Variants in SIPA1L3 observed in about 807,000 individuals in gnomAD.
SIPA1L3 encodes the protein signal-induced proliferation-associated 1-like protein 3.
A neutral mutation model predicts 150.1 loss-of-function variants in SIPA1L3; 59 were observed. The ratio of observed to expected loss-of-function variants is 0.39; its 90% CI spans 0.32 to 0.49. SIPA1L3 has a LOEUF of 0.49. SIPA1L3 is among the 20% of genes least tolerant of loss of function. The probability of loss-of-function intolerance (pLI) is 0.86; values close to 1 mark genes in which losing one functional copy is unlikely to be tolerated. For synonymous variants in SIPA1L3, 1,070 were observed against 1,077.6 expected, an observed-to-expected ratio of 0.99 and a Z score of 0.14; for missense variants, 2,211 against 2,489.5, an observed-to-expected ratio of 0.89 and a Z score of 2.38.
At chr19:38,007,712 G>A (rs1459409241) in intron 1 of SIPA1L3, among the ~76,000 whole-genome samples, 1 of 151,702 alleles carries the variant, frequency 6.6e-6, no homozygotes, top group Non-Finnish European at 1.5e-5. Flanking sequence ...TCCATACCAG[G>A]CACTGTGTTC....
At chr19:37,951,799 A>G (rs1197694341) in intron 1 of SIPA1L3, among the ~76,000 whole-genome samples, 1 of 147,808 alleles carries the variant, frequency 6.8e-6, no homozygotes, top group Non-Finnish European at 1.5e-5. Context: ...CGGGAGGCTG[A>G]GGCAGGGGAA....
chr19:37,954,965 T>C (rs2046796516), intron 1 of SIPA1L3, among the ~76,000 whole-genome samples: 2 of 151,632 alleles, frequency 1.3e-5, no homozygotes, highest in Non-Finnish European at 1.5e-5. Flanking sequence ...TGCATGCCTG[T>C]AGTCCCAGGT....
Position 38,129,928 on chromosome 19 carries a change from G to A in SIPA1L3, c.2869-570G>A, listed in dbSNP as rs145340061. Among the ~76,000 whole-genome samples the A allele has an allele frequency of 1.4e-3, 208 of 152,146 alleles. 1 individual carries two copies. The highest frequency in any genetic ancestry group is 4.5e-3 in the African/African-American group (186 of 41,522). On this transcript the variant is annotated intron_variant, in intron 9 of 21. Transcript: ENST00000222345. ...CTAAAAATACAAAAATTAGCCAGGC[G>A]TGGTAGCAGACGCTTGTAATCCCAG...
Position 38,191,575 on chromosome 19 carries a change from G to A in SIPA1L3, c.4431-570G>A, listed in dbSNP as rs185903561. On this transcript the variant is annotated intron_variant, in intron 16 of 21. Transcript: ENST00000222345. ...CACCTGTAATCCCAGCACTTTGGGG[G>A]GCCGAGGCGGGTGGATCACCTGAGG... Among the ~76,000 whole-genome samples, 86 of 152,104 alleles carry A rather than the reference G, an allele frequency of 5.7e-4. No individual in the cohort carries two copies. In the East Asian group the frequency reaches 8.3e-3, roughly 15 times the overall value.
chr19:37,944,972 T>A (rs1202795912), intron 1 of SIPA1L3, among the ~76,000 whole-genome samples: 1 of 151,966 alleles, frequency 6.6e-6, no homozygotes, highest in Non-Finnish European at 1.5e-5. Context: ...AATAAATAAA[T>A]GCATTCAATA....
chr19:38,199,211 G>C (rs1018138343), intron 19 of SIPA1L3, among the ~76,000 whole-genome samples: 61 of 152,338 alleles, frequency 4.0e-4, no homozygotes, highest in African/African-American at 1.4e-3. Context: ...GGGCCAGGCA[G>C]CTGTGGCATC....
chr19:38,090,645 G>A (rs939266749), intron 4 of SIPA1L3, among the ~76,000 whole-genome samples: 1 of 152,236 alleles, frequency 6.6e-6, no homozygotes, highest in East Asian at 1.9e-4. Context: ...GCATTTGCCA[G>A]CTAGGCAGGC....
At chr19:38,013,726 G>C (rs1313224180) in intron 1 of SIPA1L3, among the ~76,000 whole-genome samples, 1 of 152,298 alleles carries the variant, frequency 6.6e-6, no homozygotes, top group African/African-American at 2.4e-5. Flanking sequence ...GAGTAGAAAA[G>C]GATATTTATT....
chr19:37,926,634 C>G (rs1215928494), intron 1 of SIPA1L3, among the ~76,000 whole-genome samples: 1 of 152,126 alleles, frequency 6.6e-6, no homozygotes, highest in East Asian at 1.9e-4. Context: ...GTGCACCTCC[C>G]TGTAGCGATG....
intron 2 of SIPA1L3, among the ~76,000 whole-genome samples, chr19:38,033,673 ATG>A (rs55896571): frequency 3.2e-3 from 93 of 29,392 alleles, no homozygotes; most frequent in Admixed American, 0.018. Context: ...AGAGATACGT[ATG>A]TGTGTGTGTG....
chr19:38,149,328 T>C (rs1971770043), intron 12 of SIPA1L3, among the ~76,000 whole-genome samples: 1 of 152,044 alleles, frequency 6.6e-6, no homozygotes, highest in Non-Finnish European at 1.5e-5. Flanking sequence ...ACCCTGGAAG[T>C]GGAAGTTCGC....
At chr19:38,027,071 CG>C (rs1419650910) in intron 1 of SIPA1L3, among the ~76,000 whole-genome samples, 1 of 152,122 alleles carries the variant, frequency 6.6e-6, no homozygotes, top group Admixed American at 6.6e-5. Flanking sequence ...GTGGGCGGAT[CG>C]CTTGAGGCCA....
chr19:38,058,994 C>T (rs1377737402), intron 2 of SIPA1L3, among the ~76,000 whole-genome samples: 3 of 147,732 alleles, frequency 2.0e-5, no homozygotes, highest in Non-Finnish European at 1.5e-5. Flanking sequence ...CACTGCACTC[C>T]AGCCTGGGTA....
intron 1 of SIPA1L3, among the ~76,000 whole-genome samples, chr19:37,918,459 C>T (rs962351644): frequency 1.3e-5 from 2 of 151,848 alleles, no homozygotes; most frequent in Non-Finnish European, 2.9e-5. Context: ...GGGGTTTCAC[C>T]ATGTTGGCCA....
At chr19:37,938,624 C>CTTTTTTTT (rs759856556) in intron 1 of SIPA1L3, among the ~76,000 whole-genome samples, 8 of 131,232 alleles carry the variant, frequency 6.1e-5, no homozygotes, top group South Asian at 2.5e-4. Flanking sequence ...TTTCTTTTTT[C>CTTTTTTTT]TTTTTTTTTT....
At chr19:38,115,554 C>T (rs555112717) in intron 8 of SIPA1L3, among the ~76,000 whole-genome samples, 5 of 152,316 alleles carry the variant, frequency 3.3e-5, no homozygotes, top group Admixed American at 6.5e-5. Flanking sequence ...ACCAGGGCCC[C>T]GTGTGGCCTT....
intron 1 of SIPA1L3, among the ~76,000 whole-genome samples, chr19:37,989,591 T>G (rs1967447161): frequency 6.6e-6 from 1 of 151,860 alleles, no homozygotes; most frequent in Non-Finnish European, 1.5e-5. Context: ...TCTGATTAAG[T>G]CACTGCCCAA....
At chr19:38,148,221 G>T (rs1971742126) in intron 12 of SIPA1L3, among the ~76,000 whole-genome samples, 1 of 151,604 alleles carries the variant, frequency 6.6e-6, no homozygotes, top group Admixed American at 6.6e-5. Context: ...TACGGTGGCA[G>T]GCGCCTGTAG....
At chr19:38,184,083 C>G (rs1972623921) in intron 16 of SIPA1L3, among the ~76,000 whole-genome samples, 1 of 152,136 alleles carries the variant, frequency 6.6e-6, no homozygotes, top group African/African-American at 2.4e-5. Context: ...TGCCTGAGCA[C>G]TCACCACATC....
Sources: gnomAD v4.1 joint callset for allele counts (sites outside exome capture counted in the v4.1 genomes callset) on GRCh38, gnomAD v4.1.1 for gene constraint, MANE v1.5 for transcripts, NCBI Gene and HGNC (gene_info 2026-07-23, HGNC 2026-07-21) for gene names.